The following NIN variants were observed in gnomAD, a reference collection of about 807,000 sequenced individuals.
NIN encodes glycogen synthase kinase 3 beta-interacting protein.
Under a neutral mutation model 257.6 loss-of-function variants are expected in NIN, and 137 were observed. The ratio of observed to expected loss-of-function variants is 0.53; its 90% CI spans 0.46 to 0.61. The LOEUF (loss-of-function observed/expected upper bound fraction) is 0.61, where lower values mean the gene tolerates loss of function less well. Among genes scored for constraint, NIN ranks in the 20% least tolerant of loss-of-function variants. NIN has a pLI of 0.00. For synonymous variants in NIN, 918 were observed against 919.8 expected, an observed-to-expected ratio of 1.00 and a Z score of 0.04; for missense variants, 2,439 against 2,501.2, an observed-to-expected ratio of 0.98 and a Z score of 0.53.
intron 12 of NIN, among the ~76,000 whole-genome samples, chr14:50,767,175 T>C (rs184646660): frequency 1.2e-4 from 19 of 152,366 alleles, no homozygotes; most frequent in African/African-American, 3.6e-4. Flanking sequence ...GTGTGTCTAG[T>C]ACAAACTGTA....
At position 50,756,854 on chromosome 14, in the gene NIN, C is replaced by T. The variant is rs1196936586; in HGVS notation, c.4176G>A (p.Gln1392=). The part of the protein sequence containing the change: ...HVIEECKQEN[Q]YLEGNTQLLE... The stretch of plus-strand genomic sequence containing the variant: ...AGAGCTGTGTGTTCCCCTCAAGGTA[C>T]TGGTTTTCTTGCTTACATTCCTCTA... Residue 1392 remains glutamine, a synonymous_variant, in exon 18 of 31, where the codon CAG becomes CAA. Coordinates refer to ENST00000530997, the MANE Select transcript of NIN (RefSeq NM_020921.4). The T allele has an allele frequency of 1.9e-6, 3 of 1,552,070 alleles. No homozygotes were observed. Among genetic ancestry groups the T allele is most frequent in the Non-Finnish European group, 2.6e-6 (3 of 1,147,080 alleles).
Position 50,770,918 on chromosome 14 carries a change from G to A in NIN, c.1193C>T (p.Ser398Phe). ...SDLDKAEKLK[S>F]LMASEVDDHH... The stretch of plus-strand genomic sequence containing the variant: ...ATCATCCACCTCCGAGGCCATTAAA[G>A]ACTTGAGCTTCTCGGCCTTGTCCAG... The change falls in exon 11 of 31, where the codon TCT becomes TTT. Residue 398 changes from serine to phenylalanine, a missense_variant. Around this residue, in one of 3 missense-constraint regions of NIN, gnomAD observed 2,043 missense variants for 2,050.2 expected, o/e 1.00. Transcript: ENST00000530997. 3 of 1,614,214 alleles carry A rather than the reference G, an allele frequency of 1.9e-6. No individual in the cohort carries two copies. Among genetic ancestry groups the A allele is most frequent in the African/African-American group, 1.3e-5 (1 of 75,056 alleles).
rs559403861 is a variant in NIN at position 50,802,093 on chromosome 14, A to G, written c.265+4644T>C. Among the ~76,000 whole-genome samples, 5 of 152,358 alleles carry G rather than the reference A, an allele frequency of 3.3e-5. No individual in the cohort carries two copies. In the South Asian group the frequency reaches 1.0e-3, roughly 32 times the overall value. ...AATCCAAAGCCACGGCAAATTGAAT[A>G]AATAGCTAATAATTAAGTTGTTGCC... is the stretch of plus-strand genomic sequence containing the variant. On this transcript the variant is annotated intron_variant, in intron 4 of 30. Transcript: ENST00000530997.
At chr14:50,732,202 C>G (rs1355203430) in intron 28 of NIN, among the ~76,000 whole-genome samples, 2 of 152,106 alleles carry the variant, frequency 1.3e-5, no homozygotes, top group Admixed American at 6.5e-5. Flanking sequence ...GAGACTACTT[C>G]CCCCAAGGGA....
At position 50,722,449 on chromosome 14, in the gene NIN, C is replaced by A. The variant is rs2040290244; in HGVS notation, c.*1014G>T. On this transcript the variant is annotated 3_prime_UTR_variant, in exon 31 of 31. Transcript: ENST00000530997. ...TACTAAAAACGTAGAAATAAAAATT[C>A]TAGTATGGCTGTAAATATATAAGAC... The A allele has an allele frequency of 2.4e-5, 5 of 211,060 alleles. No individual in the cohort carries two copies. The highest frequency in any genetic ancestry group is 4.8e-5 in the Non-Finnish European group (5 of 103,918). 13.1% of individuals were successfully genotyped at this position (211,060 alleles called of 1,614,324 possible).
intron 21 of NIN, 138 bp from the exon 22 acceptor site, chr14:50,748,243 A>C: frequency 5.2e-6 from 3 of 576,224 alleles, no homozygotes; most frequent in Non-Finnish European, 9.3e-6. Flanking sequence ...TTTTATCGTA[A>C]AAGACTTTCC....
At chr14:50,759,566 T>G (rs55657314) in intron 17 of NIN, among the ~76,000 whole-genome samples, 1 of 151,740 alleles carries the variant, frequency 6.6e-6, no homozygotes, top group Non-Finnish European at 1.5e-5. Context: ...CGATCTCGGC[T>G]CACTGCAAGC....
intron 12 of NIN, among the ~76,000 whole-genome samples, chr14:50,768,052 A>AACACACACAC (rs61028485): frequency 1.4e-5 from 2 of 138,998 alleles, no homozygotes; most frequent in Non-Finnish European, 3.1e-5. Flanking sequence ...CACATTTGCC[A>AACACACACAC]ACACACACAC....
rs760811704 is a variant in NIN, at chr14:50,758,612, C to T, written c.2418G>A (p.Glu806=). 1.3e-6 allele frequency: 2 copies of T among 1,566,836 alleles called. No homozygotes were observed. The highest frequency in any genetic ancestry group is 2.3e-5 in the East Asian group (1 of 44,338). ...CTATTTGAGAGGTTCTTCTATTACA[C>T]TCTGTTTCCATTTTTTCCCTAAATA... ...LQEGREKMET[E]CNRRTSQIEA... Residue 806 remains glutamate, a synonymous_variant, in exon 18 of 31, where the codon GAG becomes GAA. Transcript: ENST00000530997.
chr14:50,760,853 G>C (rs1160064508), intron 16 of NIN, among the ~76,000 whole-genome samples: 1 of 151,928 alleles, frequency 6.6e-6, no homozygotes, highest in East Asian at 1.9e-4. Flanking sequence ...TTTCTTGGTA[G>C]AGACGGGGTC....
intron 7 of NIN, among the ~76,000 whole-genome samples, chr14:50,775,796 T>C (rs1475643381): frequency 1.3e-5 from 2 of 152,216 alleles, no homozygotes; most frequent in Non-Finnish European, 2.9e-5. Context: ...CCCAAGGTTC[T>C]ACATATTGCA....
intron 9 of NIN, chr14:50,772,050 G>A: frequency 5.0e-6 from 2 of 400,416 alleles, no homozygotes; most frequent in Non-Finnish European, 9.1e-6. Context: ...ACACTATCTG[G>A]CCCTGTAAAT....
Position 50,791,807 on chromosome 14 carries a change from G to GCA in NIN, c.435+903_435+904dup, listed in dbSNP as rs373370758. Among the ~76,000 whole-genome samples the GCA allele has an allele frequency of 1.0e-3, 120 of 116,770 alleles. 2 individuals carry two copies. The highest frequency in any genetic ancestry group is 4.1e-3 in the African/African-American group (95 of 23,088). The allele number at this position is 116,770 out of a possible 152,430, so 76.6% of individuals were successfully genotyped here. A position where few individuals can be genotyped will look rare whatever the true frequency, so the allele number is the denominator to read the frequency against. On this transcript the variant is annotated intron_variant, in intron 5 of 30. Coordinates refer to ENST00000530997, the MANE Select transcript of NIN (RefSeq NM_020921.4). ...CCACAATGAACACACAGGTGCACGC[G>GCA]CACACACACACACACACACACACAC...
intron 12 of NIN, 134 bp downstream of exon 12, chr14:50,770,254 G>T: frequency 1.2e-6 from 1 of 835,554 alleles, no homozygotes; most frequent in East Asian, 2.7e-5. Flanking sequence ...CCAAGTCTGG[G>T]TGAAGACCCA....
Position 50,797,069 on chromosome 14 carries a change from C to T in NIN, c.266-4188G>A, listed in dbSNP as rs985059028. On this transcript the variant is annotated intron_variant, in intron 4 of 30. Transcript: ENST00000530997. ...CTCAGGACCTGGAATGGAGTGGCAG[C>T]CATAGCTGCTTCCTGGAAGTTAAAG... Among the ~76,000 whole-genome samples, 20 of 152,344 alleles carry T rather than the reference C, an allele frequency of 1.3e-4. 1 individual carries two copies. The highest frequency in any genetic ancestry group is 4.3e-4 in the African/African-American group (18 of 41,574).
At chr14:50,787,237 CCT>C (rs1307984227) in intron 5 of NIN, among the ~76,000 whole-genome samples, 1 of 152,176 alleles carries the variant, frequency 6.6e-6, no homozygotes, top group African/African-American at 2.4e-5. Context: ...CAAGGTGTAC[CCT>C]GTTTTCAACC....
intron 27 of NIN, among the ~76,000 whole-genome samples, chr14:50,736,306 T>G (rs1330654627): frequency 1.3e-5 from 2 of 150,800 alleles, no homozygotes; most frequent in South Asian, 4.2e-4. Flanking sequence ...CTAGTTTTTG[T>G]ATATTTTTTT....
intron 25 of NIN, 94 bp downstream of exon 25, chr14:50,741,488 A>G: frequency 1.1e-6 from 1 of 922,342 alleles, no homozygotes; most frequent in Non-Finnish European, 1.6e-6. Flanking sequence ...ATTTATATGT[A>G]CATACATATA....
At chr14:50,741,819 T>C (rs865858767) in intron 24 of NIN, 91 bp from the exon 25 acceptor site, 3 of 1,423,120 alleles carry the variant, frequency 2.1e-6, no homozygotes, top group East Asian at 2.3e-5. Context: ...AAAAGAACTT[T>C]CAAGTCTGTT....
Sources: allele counts gnomAD v4.1 joint callset (sites outside exome capture counted in the v4.1 genomes callset), GRCh38; gene constraint gnomAD v4.1.1; regional missense constraint gnomAD v4.1.1; transcripts MANE v1.5; gene names NCBI Gene and HGNC (gene_info 2026-07-23, HGNC 2026-07-21).